The following PCDHA3 variants were observed in gnomAD, a reference collection of about 807,000 sequenced individuals.
PCDHA3 encodes the protein protocadherin alpha 3, also known as protocadherin alpha-3.
Under a neutral mutation model 62.2 loss-of-function variants are expected in PCDHA3, and 41 were observed. The observed-to-expected ratio is 0.66, with a 90% confidence interval of 0.51 to 0.86. PCDHA3 has a LOEUF of 0.86. Ranked by LOEUF, PCDHA3 falls within the 40% of genes least tolerant of loss-of-function variation. PCDHA3 has a pLI of 0.00. For synonymous variants in PCDHA3, 640 were observed against 555.4 expected, an observed-to-expected ratio of 1.15 and a Z score of -2.14; for missense variants, 1,304 against 1,241.2, an observed-to-expected ratio of 1.05 and a Z score of -0.76.
intron 1 of PCDHA3, chr5:140,853,539 T>A: frequency 1.0e-6 from 1 of 979,080 alleles, no homozygotes; most frequent in South Asian, 4.8e-5. Context: ...TCTTTTCAAG[T>A]TGTAATTACT....
At chr5:140,881,382 C>A in intron 1 of PCDHA3, 1 of 984,112 alleles carries the variant, frequency 1.0e-6, no homozygotes, top group Non-Finnish European at 1.2e-6. Context: ...CAGCCGGCGG[C>A]GGTAAGTTAA....
chr5:140,808,008 A>G (rs782472547), intron 1 of PCDHA3: 1 of 1,613,894 alleles, frequency 6.2e-7, no homozygotes, highest in South Asian at 1.1e-5. Flanking sequence ...GAAGGATTGA[A>G]TGGGGACATT....
chr5:140,875,452 C>CA, intron 1 of PCDHA3: 1 of 1,592,570 alleles, frequency 6.3e-7, no homozygotes, highest in Non-Finnish European at 8.6e-7. Context: ...TGTCCCAACT[C>CA]AGAGGCCCTC....
intron 1 of PCDHA3, chr5:140,822,214 C>T: frequency 6.2e-7 from 1 of 1,614,218 alleles, no homozygotes. Context: ...GTCAAGAATG[C>T]CAGATTCGCG....
At position 140,856,753 on chromosome 5, in the gene PCDHA3, T is replaced by C. The variant is rs373420913; in HGVS notation, c.2394+53162T>C. 311 of 1,596,470 alleles carry C rather than the reference T, an allele frequency of 1.9e-4. 24 individuals are homozygous for C. Among genetic ancestry groups the C allele is most frequent in the Non-Finnish European group, 2.6e-4 (309 of 1,166,472 alleles). On this transcript the variant is annotated intron_variant, in intron 1 of 3. Coordinates refer to ENST00000522353, the MANE Select transcript of PCDHA3 (RefSeq NM_018906.3). ...TGCTGATCCTGGTGTTAGATGCCAA[T>C]GATAACGCCCCTATCTTTGACAGAC...
At chr5:140,983,740 C>A (rs1250895126) in intron 3 of PCDHA3, among the ~76,000 whole-genome samples, 1 of 152,190 alleles carries the variant, frequency 6.6e-6, no homozygotes, top group African/African-American at 2.4e-5. Context: ...GGCTGGCTTG[C>A]AATAATCCAT....
intron 1 of PCDHA3, chr5:140,843,766 G>A: frequency 6.7e-7 from 1 of 1,487,952 alleles, no homozygotes; most frequent in Non-Finnish European, 9.2e-7. Flanking sequence ...GGAAATTGTA[G>A]TTACTTTAAA....
intron 1 of PCDHA3, chr5:140,822,761 T>C: frequency 6.2e-7 from 1 of 1,613,988 alleles, no homozygotes; most frequent in Non-Finnish European, 8.5e-7. Flanking sequence ...ACATTCCCAT[T>C]ATCAGGACAC....
chr5:140,925,061 C>T (rs968376229), intron 1 of PCDHA3, among the ~76,000 whole-genome samples: 2 of 147,510 alleles, frequency 1.4e-5, no homozygotes, highest in Non-Finnish European at 3.0e-5. Context: ...GACTGGGCAA[C>T]AAAGCAACAC....
At position 140,850,458 on chromosome 5, in the gene PCDHA3, G is replaced by T. The variant is rs150924900; in HGVS notation, c.2394+46867G>T. 34 of 1,597,834 alleles carry T rather than the reference G, an allele frequency of 2.1e-5. 2 individuals carry two copies. In the African/African-American group the frequency reaches 4.4e-4, roughly 21 times the overall value. On this transcript the variant is annotated intron_variant, in intron 1 of 3. Transcript: ENST00000522353. ...CCTACTGGTGCTGGTGAAAGACCAC[G>T]GGGAGCCAGCGCTGACGGCCACGGC...
At chr5:140,809,109 A>G (rs1764366796) in intron 1 of PCDHA3, 1 of 1,613,816 alleles carries the variant, frequency 6.2e-7, no homozygotes, top group Admixed American at 1.7e-5. Flanking sequence ...GACGAAACGG[A>G]CGCTCCGCGC....
In PCDHA3 at chr5:140,902,128, A is replaced by G. The variant is rs140093707; in HGVS notation, c.2395-76821A>G. 5.8e-3 allele frequency among the ~76,000 whole-genome samples: 872 copies of G among 150,980 alleles called. 10 individuals carry two copies. The highest frequency in any genetic ancestry group is 0.019 in the African/African-American group (793 of 41,220). ...ATTTTTTTAAAACTGAGATTATATCATCTGCAAACAAGGATAATTTGATTT... is the reference window on the plus strand; with the variant it reads ...ATTTTTTTAAAACTGAGATTATATCGTCTGCAAACAAGGATAATTTGATTT... On this transcript the variant is annotated intron_variant, in intron 1 of 3. Coordinates refer to ENST00000522353, the MANE Select transcript of PCDHA3 (RefSeq NM_018906.3).
At chr5:140,927,854 C>T (rs1047804872) in intron 1 of PCDHA3, 1 of 1,614,222 alleles carries the variant, frequency 6.2e-7, no homozygotes, top group South Asian at 1.1e-5. Flanking sequence ...TTTGGTTTAG[C>T]TAGCACCGCT....
At position 140,849,588 on chromosome 5, in the gene PCDHA3, C is replaced by G. The variant is rs2150441639; in HGVS notation, c.2394+45997C>G. ...GGTTCCTGTAAAAGAGGACGCACAA[C>G]TGGGGACAGTTATTGCCCTGATTAG... On this transcript the variant is annotated intron_variant, in intron 1 of 3. Coordinates refer to ENST00000522353, the MANE Select transcript of PCDHA3 (RefSeq NM_018906.3). 8 of 1,598,790 alleles carry G rather than the reference C, an allele frequency of 5.0e-6. 1 individual carries two copies. Among genetic ancestry groups the G allele is most frequent in the East Asian group, 4.5e-5 (2 of 44,856 alleles).
chr5:140,851,307 T>C (rs1562478803), intron 1 of PCDHA3: 21 of 1,000,198 alleles, frequency 2.1e-5, no homozygotes, highest in Non-Finnish European at 2.6e-5. Context: ...TATATAGCAA[T>C]TGTTACCTTG....
At chr5:140,905,092 CAGTCATGAA>C (rs1554191919) in intron 1 of PCDHA3, among the ~76,000 whole-genome samples, 5 of 152,092 alleles carry the variant, frequency 3.3e-5, no homozygotes, top group African/African-American at 1.2e-4. Flanking sequence ...TTTGGGTTCT[CAGTCATGAA>C]TTGTTTGCCT....
At chr5:140,921,981 A>G (rs2080540156) in intron 1 of PCDHA3, among the ~76,000 whole-genome samples, 1 of 152,092 alleles carries the variant, frequency 6.6e-6, no homozygotes, top group Non-Finnish European at 1.5e-5. Flanking sequence ...AAATAGAACT[A>G]AAAAAGAGTT....
rs782702448 is a variant in PCDHA3, at chr5:140,802,144, A to G, written c.947A>G (p.Tyr316Cys). 1.2e-6 allele frequency: 2 copies of G among 1,614,262 alleles called. No homozygotes were observed. The highest frequency in any genetic ancestry group is 1.3e-5 in the African/African-American group (1 of 75,068). Residue 316 changes from tyrosine (Y) to cysteine (C), a missense_variant, in exon 1 of 4, where the codon TAT becomes TGT. Transcript: ENST00000522353. ...GNIDFEESKS[Y>C]EIQVEATDKG... ...ATAGATTTCGAGGAAAGTAAGTCAT[A>G]TGAAATCCAGGTAGAAGCCACGGAT...
intron 1 of PCDHA3, chr5:140,830,405 T>A: frequency 6.2e-7 from 1 of 1,614,172 alleles, no homozygotes; most frequent in Non-Finnish European, 8.5e-7. Flanking sequence ...TCTCATGGCC[T>A]TTAGCCCCAG....
Sources: gnomAD v4.1 joint callset for allele counts (sites outside exome capture counted in the v4.1 genomes callset) on GRCh38, gnomAD v4.1.1 for gene constraint, MANE v1.5 for transcripts, NCBI Gene and HGNC (gene_info 2026-07-23, HGNC 2026-07-21) for gene names.